The following SLC5A3 variants were observed in gnomAD, a reference collection of about 807,000 sequenced individuals.
SLC5A3 encodes sodium/myo-inositol cotransporter.
A neutral mutation model predicts 43.2 loss-of-function variants in SLC5A3; 10 were observed. The ratio of observed to expected loss-of-function variants is 0.23; its 90% CI spans 0.14 to 0.39. The LOEUF (loss-of-function observed/expected upper bound fraction) is 0.39. Ranked by LOEUF, SLC5A3 falls within the 10% of genes least tolerant of loss-of-function variation. The pLI is 1.00. For synonymous variants in SLC5A3, 349 were observed against 322.0 expected (o/e 1.08, Z -0.90); for missense variants, 608 against 893.4 (o/e 0.68, Z 4.07).
intron 1 of SLC5A3, among the ~76,000 whole-genome samples, chr21:34,076,405 A>C (rs889472924): frequency 1.4e-4 from 21 of 152,204 alleles, no homozygotes; most frequent in African/African-American, 4.6e-4. Flanking sequence ...GGGAATGCCC[A>C]TTGAAAGATT....
chr21:34,104,214 T>C lies in SLC5A3; in HGVS notation c.*6859T>C, dbSNP rs1205481546. 1.0e-6 allele frequency: 1 copy of C among 1,000,030 alleles called. No homozygotes were observed. Among genetic ancestry groups the C allele is most frequent in the East Asian group, 1.1e-4 (1 of 8,830 alleles). The allele number at this position is 1,000,030 out of a possible 1,614,324, so 61.9% of individuals were successfully genotyped here. ...GCATCAGACTAATTCTGAAGCATAT[T>C]TGCTAGAGGAGCTACTTTGCTTTTC... is the stretch of plus-strand genomic sequence containing the variant. On this transcript the variant is annotated 3_prime_UTR_variant, in exon 2 of 2. Transcript: ENST00000381151.
At position 34,097,366 on chromosome 21, in the gene SLC5A3, A is replaced by G. The variant is rs369641674; in HGVS notation, c.*11A>G. 7.0e-6 allele frequency: 11 copies of G among 1,577,596 alleles called. No homozygotes were observed. The African/African-American group carries it at 8.2e-5, about 12-fold the overall frequency. On this transcript the variant is annotated 3_prime_UTR_variant, in exon 2 of 2. Coordinates refer to ENST00000381151, the MANE Select transcript of SLC5A3 (RefSeq NM_006933.7). ...TATTTCTCCTTATGAACTTAAGGATATGGTGAGACACTAACTTAAGACAAT... is the reference window on the plus strand; with the variant it reads ...TATTTCTCCTTATGAACTTAAGGATGTGGTGAGACACTAACTTAAGACAAT...
At position 34,106,049 on chromosome 21, in the gene SLC5A3, G is replaced by A. The variant is rs1034680145; in HGVS notation, c.*8694G>A. On this transcript the variant is annotated 3_prime_UTR_variant, in exon 2 of 2. Coordinates refer to ENST00000381151, the MANE Select transcript of SLC5A3 (RefSeq NM_006933.7). ...TAAAGAGCTGTCAGTTTTCATTACT[G>A]ACTCTGTAAAATACACTGTTCTTTG... is the stretch of plus-strand genomic sequence containing the variant. 42 of 997,328 alleles carry A rather than the reference G, an allele frequency of 4.2e-5. No homozygotes were observed. The highest frequency in any genetic ancestry group is 4.8e-5 in the Non-Finnish European group (40 of 827,432). 61.8% of individuals were successfully genotyped at this position (997,328 alleles called of 1,614,324 possible).
At chr21:34,074,602 ACTC>A (rs564471494) in intron 1 of SLC5A3, among the ~76,000 whole-genome samples, 75 of 151,544 alleles carry the variant, frequency 4.9e-4, no homozygotes, top group South Asian at 2.9e-3. Flanking sequence ...TGGGTCATGT[ACTC>A]CTCAAGTCGT....
rs1252965656 is a variant in SLC5A3 at position 34,104,256 on chromosome 21, G to A, written c.*6901G>A. 3 of 999,936 alleles carry A rather than the reference G, an allele frequency of 3.0e-6. No individual in the cohort carries two copies. Among genetic ancestry groups the A allele is most frequent in the Non-Finnish European group, 3.6e-6 (3 of 829,912 alleles). The allele number at this position is 999,936 out of a possible 1,614,324, so 61.9% of individuals were successfully genotyped here. A position where few individuals can be genotyped will look rare whatever the true frequency, so the allele number is the denominator to read the frequency against. ...TTGCTTTTCACAATGGGGTGGAGAGGATTCTTTCACTTGTCCCATTAACCC... is the reference window on the plus strand; with the variant it reads ...TTGCTTTTCACAATGGGGTGGAGAGAATTCTTTCACTTGTCCCATTAACCC... On this transcript the variant is annotated 3_prime_UTR_variant, in exon 2 of 2. Coordinates refer to ENST00000381151, the MANE Select transcript of SLC5A3 (RefSeq NM_006933.7).
At chr21:34,086,984 G>A (rs1164974645) in intron 1 of SLC5A3, among the ~76,000 whole-genome samples, 4 of 152,184 alleles carry the variant, frequency 2.6e-5, no homozygotes, top group Non-Finnish European at 5.9e-5. Flanking sequence ...ACATATCACT[G>A]CACACTAAGA....
chr21:34,075,655 A>G (rs1399592709), intron 1 of SLC5A3, among the ~76,000 whole-genome samples: 1 of 152,198 alleles, frequency 6.6e-6, no homozygotes, highest in Non-Finnish European at 1.5e-5. Context: ...ACTTATGTAC[A>G]ATGGCGAAGT....
At position 34,104,752 on chromosome 21, in the gene SLC5A3, C is replaced by T; in HGVS notation, c.*7397C>T. ...CAGGAAAGAGAAGTTTGAGGAACAC[C>T]CTTGGCTTAGCAACATGTGATAATG... On this transcript the variant is annotated 3_prime_UTR_variant, in exon 2 of 2. Coordinates refer to ENST00000381151, the MANE Select transcript of SLC5A3 (RefSeq NM_006933.7). 2 of 1,000,188 alleles carry T rather than the reference C, an allele frequency of 2.0e-6. No homozygotes were observed. The highest frequency in any genetic ancestry group is 4.7e-5 in the South Asian group (1 of 21,268). 62.0% of individuals were successfully genotyped at this position (1,000,188 alleles called of 1,614,324 possible).
At position 34,106,234 on chromosome 21, in the gene SLC5A3, C is replaced by G. The variant is rs2148663348; in HGVS notation, c.*8879C>G. The stretch of plus-strand genomic sequence containing the variant: ...TTATGGAAATGTTAGCAATTCTGTA[C>G]CAACTTTGAATAAAATGAAAAATTT... On this transcript the variant is annotated 3_prime_UTR_variant, in exon 2 of 2. Coordinates refer to ENST00000381151, the MANE Select transcript of SLC5A3 (RefSeq NM_006933.7). The G allele has an allele frequency of 1.1e-6, 1 of 925,340 alleles. No individual in the cohort carries two copies. The highest frequency in any genetic ancestry group is 1.2e-4 in the East Asian group (1 of 8,466). The allele number at this position is 925,340 out of a possible 1,614,324, so 57.3% of individuals were successfully genotyped here.
At chr21:34,093,871 T>A (rs536312481) in intron 1 of SLC5A3, among the ~76,000 whole-genome samples, 1 of 152,292 alleles carries the variant, frequency 6.6e-6, no homozygotes, top group African/African-American at 2.4e-5. Flanking sequence ...TACTGAAGAT[T>A]TATCTAATGG....
At chr21:34,076,237 C>G (rs965295340) in intron 1 of SLC5A3, among the ~76,000 whole-genome samples, 5 of 152,126 alleles carry the variant, frequency 3.3e-5, no homozygotes, top group Admixed American at 6.5e-5. Context: ...GGAGAGCATT[C>G]TTAGTCTGTT....
chr21:34,078,202 C>G (rs551199042), intron 1 of SLC5A3, among the ~76,000 whole-genome samples: 1 of 152,046 alleles, frequency 6.6e-6, no homozygotes, highest in Non-Finnish European at 1.5e-5. Context: ...TTAATAATCT[C>G]TCTTTGTGTT....
chr21:34,102,751 A>G lies in SLC5A3; in HGVS notation c.*5396A>G. The stretch of plus-strand genomic sequence containing the variant: ...GGTCTCAGATTTTTCGTAGTGTGGG[A>G]ACAGTGGTTTTGCTCTATACCACTG... On this transcript the variant is annotated 3_prime_UTR_variant, in exon 2 of 2. Transcript: ENST00000381151. 1 of 1,000,164 alleles carries G rather than the reference A, an allele frequency of 1.0e-6. No individual in the cohort carries two copies. The highest frequency in any genetic ancestry group is 4.7e-5 in the South Asian group (1 of 21,288). The allele number at this position is 1,000,164 out of a possible 1,614,324, so 62.0% of individuals were successfully genotyped here.
Position 34,097,596 on chromosome 21 carries a change from G to A in SLC5A3, c.*241G>A. The A allele has an allele frequency of 8.1e-7, 1 of 1,242,118 alleles. No individual in the cohort carries two copies. 76.9% of individuals were successfully genotyped at this position (1,242,118 alleles called of 1,614,324 possible). On this transcript the variant is annotated 3_prime_UTR_variant, in exon 2 of 2. Transcript: ENST00000381151. ...TTGTGCAAATGTGGTTTTAAATTTTGCATACCAAAGTAAGAAGAGACCAAT... is the reference window on the plus strand; with the variant it reads ...TTGTGCAAATGTGGTTTTAAATTTTACATACCAAAGTAAGAAGAGACCAAT...
rs1250141915 is a variant in SLC5A3 at position 34,096,999 on chromosome 21, G to A, written c.1801G>A (p.Glu601Lys). 6.2e-7 allele frequency: 1 copy of A among 1,614,096 alleles called. No homozygotes were observed. Among genetic ancestry groups the A allele is most frequent in the Admixed American group, 1.7e-5 (1 of 60,024 alleles). Reference sequence around the variant, plus strand: ...AGACAGCATTAAGGGCCTTCAGCCTGAAGATGTTAATCTGTTGGTAACCTG... The same window carrying A: ...AGACAGCATTAAGGGCCTTCAGCCTAAAGATGTTAATCTGTTGGTAACCTG... ...SEDSIKGLQP[E>K]DVNLLVTCRE... The change falls in exon 2 of 2, where the codon GAA (glutamate) becomes AAA (lysine). Residue 601 changes from glutamate (E) to lysine (K), a missense_variant. By Grantham distance (56) the Glu-to-Lys change is moderately conservative (BLOSUM62 1). Coordinates refer to ENST00000381151, the MANE Select transcript of SLC5A3 (RefSeq NM_006933.7). The surrounding 1 kb of genome is among the most constrained non-coding windows in gnomAD (Gnocchi z 5.9).
At chr21:34,091,791 T>C (rs1978707158) in intron 1 of SLC5A3, among the ~76,000 whole-genome samples, 1 of 152,182 alleles carries the variant, frequency 6.6e-6, no homozygotes, top group African/African-American at 2.4e-5. Context: ...TTTGGCTAAA[T>C]CTGCTCATCA....
chr21:34,098,067 CAT>C lies in SLC5A3; in HGVS notation c.*713_*714del. The C allele has an allele frequency of 2.0e-6, 2 of 998,822 alleles. No homozygotes were observed. Among genetic ancestry groups the C allele is most frequent in the Non-Finnish European group, 2.4e-6 (2 of 829,316 alleles). The allele number at this position is 998,822 out of a possible 1,614,324, so 61.9% of individuals were successfully genotyped here. On this transcript the variant is annotated 3_prime_UTR_variant, in exon 2 of 2. Transcript: ENST00000381151. Reference sequence around the variant, plus strand: ...ACCAACAAGTCTGCCTGTAAAGTTACATGTCATGATTGTGTTGTTAAATGATT... The same window carrying C: ...ACCAACAAGTCTGCCTGTAAAGTTACGTCATGATTGTGTTGTTAAATGATT...
chr21:34,098,686 G>T lies in SLC5A3; in HGVS notation c.*1331G>T. 1.0e-6 allele frequency: 1 copy of T among 1,000,160 alleles called. No individual in the cohort carries two copies. The highest frequency in any genetic ancestry group is 1.1e-4 in the East Asian group (1 of 8,818). The allele number at this position is 1,000,160 out of a possible 1,614,324, so 62.0% of individuals were successfully genotyped here. A position where few individuals can be genotyped will look rare whatever the true frequency, so the allele number is the denominator to read the frequency against. ...TTTTGGGGTTAGTAGTGTGTCTTGT[G>T]GAGGGTATTACAGGACTGTGTAATT... On this transcript the variant is annotated 3_prime_UTR_variant, in exon 2 of 2. Transcript: ENST00000381151.
At chr21:34,074,179 C>T (rs1205193575) in intron 1 of SLC5A3, among the ~76,000 whole-genome samples, 1 of 149,908 alleles carries the variant, frequency 6.7e-6, no homozygotes, top group Non-Finnish European at 1.5e-5. Flanking sequence ...GCCGCCTGGT[C>T]CGTCCCGCTC....
Sources: allele counts gnomAD v4.1 joint callset (sites outside exome capture counted in the v4.1 genomes callset), GRCh38; gene constraint gnomAD v4.1.1; non-coding constraint Gnocchi (gnomAD v3.1); transcripts MANE v1.5; gene names NCBI Gene and HGNC (gene_info 2026-07-23, HGNC 2026-07-21).